The following SERINC5 variants were observed in gnomAD, a reference collection of about 807,000 sequenced individuals.
The protein encoded by SERINC5 is serine incorporator 5.
Under a neutral mutation model 63.1 loss-of-function variants are expected in SERINC5, and 41 were observed. That is an observed-to-expected ratio of 0.65 (90% confidence interval 0.51 to 0.84). The LOEUF (loss-of-function observed/expected upper bound fraction) is 0.84, where lower values mean the gene tolerates loss of function less well. Ranked by LOEUF, SERINC5 falls within the 40% of genes least tolerant of loss-of-function variation. The pLI is 0.00. For missense variants in SERINC5, 523 were observed against 573.0 expected (o/e 0.91, Z 0.89); for synonymous variants, 222 against 215.2 (o/e 1.03, Z -0.28).
chr5:80,115,718 A>G (rs560921828), intron 11 of SERINC5, among the ~76,000 whole-genome samples: 1 of 152,204 alleles, frequency 6.6e-6, no homozygotes, highest in Non-Finnish European at 1.5e-5. Context: ...AAGGTCTAAC[A>G]TCAATATGTT....
chr5:80,178,044 CA>C lies in SERINC5; in HGVS notation c.215del (p.Met72SerfsTer37), dbSNP rs748146333. 6.3e-7 allele frequency: 1 copy of C among 1,598,308 alleles called. No individual in the cohort carries two copies. Among genetic ancestry groups the C allele is most frequent in the Admixed American group, 1.8e-5 (1 of 55,604 alleles). On this transcript the variant is annotated frameshift_variant, in exon 3 of 12. Transcript: ENST00000507668. LOFTEE classifies it high-confidence loss of function. ...MKEHIPFFED[M>X]CKGIKAGDTC... ...TGTCACCAGCTTTAATGCCTTTACA[CA>C]TATCTTCAAAAAAAGGAATCTGAGG... is the stretch of plus-strand genomic sequence containing the variant.
chr5:80,202,076 A>G (rs1342600235), intron 2 of SERINC5, among the ~76,000 whole-genome samples: 4 of 152,106 alleles, frequency 2.6e-5, no homozygotes, highest in Non-Finnish European at 4.4e-5. Flanking sequence ...TGCCTCTACT[A>G]AAAATACAAA....
intron 11 of SERINC5, chr5:80,128,545 G>A (rs1164725247): frequency 6.6e-6 from 1 of 152,238 alleles, no homozygotes; most frequent in Non-Finnish European, 1.5e-5. Context: ...AAGATCTTGT[G>A]GGGAGGGGAG....
rs1217981349 is a variant in SERINC5 at position 80,142,808 on chromosome 5, C to G, written c.*855G>C. Reference sequence around the variant, plus strand: ...CTAAAAGTATTATCATTATCAACAGCACAAACAAGTAAGAATGATAGCCCT... The same window carrying G: ...CTAAAAGTATTATCATTATCAACAGGACAAACAAGTAAGAATGATAGCCCT... On this transcript the variant is annotated 3_prime_UTR_variant, in exon 12 of 12. Transcript: ENST00000507668. 1 of 985,300 alleles carries G rather than the reference C, an allele frequency of 1.0e-6. No individual in the cohort carries two copies. The allele number at this position is 985,300 out of a possible 1,614,324, so 61.0% of individuals were successfully genotyped here. A position where few individuals can be genotyped will look rare whatever the true frequency, so the allele number is the denominator to read the frequency against.
At chr5:80,143,934 C>T in intron 11 of SERINC5, 124 bp from the exon 12 acceptor site, 1 of 1,131,484 alleles carries the variant, frequency 8.8e-7, no homozygotes, top group South Asian at 1.5e-5. Flanking sequence ...CAGACTTGTG[C>T]TACCATCAAC....
intron 2 of SERINC5, among the ~76,000 whole-genome samples, chr5:80,199,514 G>A (rs1343657515): frequency 2.6e-5 from 4 of 152,162 alleles, no homozygotes; most frequent in Non-Finnish European, 5.9e-5. Context: ...AACATCTTCT[G>A]TTTCTCAAAT....
downstream of SERINC5, among the ~76,000 whole-genome samples, chr5:80,135,391 T>A (rs1170799408): frequency 6.6e-6 from 1 of 152,136 alleles, no homozygotes; most frequent in Non-Finnish European, 1.5e-5. Flanking sequence ...AGTTAGGAAG[T>A]AAATCAGGTC....
At chr5:80,236,831 GTTTC>G (rs2112578674) in intron 1 of SERINC5, among the ~76,000 whole-genome samples, 1 of 150,550 alleles carries the variant, frequency 6.6e-6, no homozygotes, top group African/African-American at 2.4e-5. Context: ...CTGGCCCAGT[GTTTC>G]TTTTTTCTTT....
At chr5:80,219,689 G>A (rs1750814894) in intron 1 of SERINC5, among the ~76,000 whole-genome samples, 1 of 152,110 alleles carries the variant, frequency 6.6e-6, no homozygotes. Context: ...GCAGAGAACT[G>A]TCATGCAATT....
At chr5:80,253,705 C>T (rs1752524900) in intron 1 of SERINC5, among the ~76,000 whole-genome samples, 1 of 152,180 alleles carries the variant, frequency 6.6e-6, no homozygotes, top group Non-Finnish European at 1.5e-5. Context: ...CGGCAACCCT[C>T]CTCAAGGCTG....
chr5:80,137,640 CT>C (rs374486250), downstream of SERINC5, among the ~76,000 whole-genome samples: 18,578 of 70,012 alleles, frequency 0.27, 1,328 homozygotes, highest in Middle Eastern at 0.35. Context: ...AAGACTCTAA[CT>C]CAAAAAAAAA....
intron 1 of SERINC5, among the ~76,000 whole-genome samples, chr5:80,244,335 C>A (rs1183963086): frequency 6.6e-6 from 1 of 151,898 alleles, no homozygotes; most frequent in Non-Finnish European, 1.5e-5. Context: ...CCAGCCTCAA[C>A]CTCCTGAGTA....
At chr5:80,225,885 A>G (rs7726099) in intron 1 of SERINC5, among the ~76,000 whole-genome samples, 74,404 of 151,780 alleles carry the variant, frequency 0.49, 18,660 homozygotes, top group African/African-American at 0.6. Context: ...CCATCGAAAC[A>G]CCAAAATTAA....
In SERINC5 at chr5:80,222,266, C is replaced by T. The variant is rs572101192; in HGVS notation, c.28-19213G>A. ...GCAGGGGAAAATCTGCTACGCTATG[C>T]TCCCTGAAGAAGAATCACCCCCACT... On this transcript the variant is annotated intron_variant, in intron 1 of 11. Coordinates refer to ENST00000507668, the MANE Select transcript of SERINC5 (RefSeq NM_001174072.3). Among the ~76,000 whole-genome samples the T allele has an allele frequency of 2.6e-5, 4 of 152,238 alleles. No individual in the cohort carries two copies. In the South Asian group the frequency reaches 8.3e-4, roughly 32 times the overall value.
At chr5:80,224,649 G>A (rs756280742) in intron 1 of SERINC5, among the ~76,000 whole-genome samples, 3 of 152,008 alleles carry the variant, frequency 2.0e-5, no homozygotes, top group Non-Finnish European at 4.4e-5. Context: ...TTTTAAAGAC[G>A]GAATTTCCCT....
At chr5:80,194,036 G>T (rs1749353949) in intron 2 of SERINC5, among the ~76,000 whole-genome samples, 1 of 152,122 alleles carries the variant, frequency 6.6e-6, no homozygotes. Flanking sequence ...AGGTTCGATG[G>T]TCCCAACCCA....
rs142656148 is a variant in SERINC5, at chr5:80,125,798, T to A, written c.1239-12173A>T. Among the ~76,000 whole-genome samples the A allele has an allele frequency of 6.7e-3, 1,026 of 152,232 alleles. 7 individuals are homozygous for A. Among genetic ancestry groups the A allele is most frequent in the African/African-American group, 0.023 (971 of 41,550 alleles). On this transcript the variant is annotated intron_variant, in intron 11 of 12. Transcript: ENST00000509193. Reference sequence around the variant, plus strand: ...GAGCAAACTGGTTTAAGAAACGTCATCACCTGGGTCAAGAAAAGGACATGC... The same window carrying A: ...GAGCAAACTGGTTTAAGAAACGTCAACACCTGGGTCAAGAAAAGGACATGC...
At chr5:80,248,950 G>C (rs1752276815) in intron 1 of SERINC5, among the ~76,000 whole-genome samples, 1 of 152,116 alleles carries the variant, frequency 6.6e-6, no homozygotes, top group Non-Finnish European at 1.5e-5. Context: ...TTTGGGAATA[G>C]AAACACACCC....
At chr5:80,197,176 C>T (rs1422007959) in intron 2 of SERINC5, among the ~76,000 whole-genome samples, 4 of 152,034 alleles carry the variant, frequency 2.6e-5, no homozygotes, top group Non-Finnish European at 5.9e-5. Context: ...TGGTGAAACC[C>T]TGTCTCTACT....
Sources: allele counts gnomAD v4.1 joint callset (sites outside exome capture counted in the v4.1 genomes callset), GRCh38; gene constraint gnomAD v4.1.1; transcripts MANE v1.5; gene names NCBI Gene and HGNC (gene_info 2026-07-23, HGNC 2026-07-21).